The following ZDHHC2 variants were observed in gnomAD, a reference collection of about 807,000 sequenced individuals.
ZDHHC2 encodes the protein zDHHC palmitoyltransferase 2.
Under a neutral mutation model 55.6 loss-of-function variants are expected in ZDHHC2, and 51 were observed. The ratio of observed to expected loss-of-function variants is 0.92; its 90% confidence interval spans 0.73 to 1.16. The LOEUF (loss-of-function observed/expected upper bound fraction) is 1.16, where lower values mean the gene tolerates loss of function less well. Among genes scored for constraint, ZDHHC2 ranks in the 50% most tolerant of loss-of-function variants. The pLI is 0.00. For missense variants in ZDHHC2, 491 were observed against 442.4 expected, an observed-to-expected ratio of 1.11 and a Z score of -0.99; for synonymous variants, 199 against 152.9, an observed-to-expected ratio of 1.30 and a Z score of -2.22.
intron 1 of ZDHHC2, among the ~76,000 whole-genome samples, chr8:17,178,990 G>A (rs539047653): frequency 4.0e-4 from 61 of 152,116 alleles, no homozygotes; most frequent in Non-Finnish European, 6.8e-4. Context: ...ACGCTCTGTT[G>A]CCCAGGCTTG....
intron 10 of ZDHHC2, among the ~76,000 whole-genome samples, 165 bp from the exon 11 acceptor site, chr8:17,215,072 C>T (rs886091159): frequency 1.8e-4 from 28 of 152,254 alleles, no homozygotes; most frequent in African/African-American, 6.3e-4. Flanking sequence ...CACCGCGAGT[C>T]AGTGCTATTT....
intron 1 of ZDHHC2, among the ~76,000 whole-genome samples, chr8:17,173,180 C>T (rs949663143): frequency 3.3e-5 from 5 of 152,200 alleles, no homozygotes; most frequent in Non-Finnish European, 2.9e-5. Context: ...GGCTGCGAGG[C>T]ATCCGATGTC....
At chr8:17,168,204 C>A (rs770249100) in intron 1 of ZDHHC2, among the ~76,000 whole-genome samples, 1 of 152,144 alleles carries the variant, frequency 6.6e-6, no homozygotes. Flanking sequence ...AATTTTGGCT[C>A]GGCATTCTTT....
At chr8:17,214,961 C>T (rs1417689706) in intron 10 of ZDHHC2, among the ~76,000 whole-genome samples, 1 of 152,028 alleles carries the variant, frequency 6.6e-6, no homozygotes, top group Non-Finnish European at 1.5e-5. Flanking sequence ...CTGCTAAAGC[C>T]TGGGGCTGAA....
At chr8:17,199,512 TTC>T (rs1472142493) in intron 6 of ZDHHC2, among the ~76,000 whole-genome samples, 3 of 39,648 alleles carry the variant, frequency 7.6e-5, no homozygotes, top group Admixed American at 3.3e-4. Context: ...CTTCTTCTTC[TTC>T]GTCTTCGTCT....
chr8:17,171,427 G>C (rs184254387), intron 1 of ZDHHC2, among the ~76,000 whole-genome samples: 14 of 152,210 alleles, frequency 9.2e-5, no homozygotes, highest in African/African-American at 1.9e-4. Context: ...AGTGCAGTCA[G>C]TGATTCAGAA....
chr8:17,199,598 CTTTATTCT>C lies in ZDHHC2; in HGVS notation c.476+1188_476+1195del, dbSNP rs1563161629. 5.9e-4 allele frequency among the ~76,000 whole-genome samples: 23 copies of C among 39,218 alleles called. 1 individual carries two copies. Among genetic ancestry groups the C allele is most frequent in the South Asian group, 4.9e-3 (5 of 1,020 alleles). 25.7% of individuals were successfully genotyped at this position (39,218 alleles called of 152,430 possible). A position where few individuals can be genotyped will look rare whatever the true frequency, so the allele number is the denominator to read the frequency against. On this transcript the variant is annotated intron_variant, in intron 6 of 12. Transcript: ENST00000262096. ...TGTCTTCTTCTTCTTCTTTCTTCTT[CTTTATTCT>C]TTCTTCTTCTTCTTCTTCCTTTCTT...
intron 1 of ZDHHC2, among the ~76,000 whole-genome samples, chr8:17,167,329 A>G (rs1804651630): frequency 7.9e-6 from 1 of 127,100 alleles, no homozygotes; most frequent in African/African-American, 3.1e-5. Flanking sequence ...TTTTTTTGAG[A>G]CAGTCTCGCT....
At chr8:17,176,458 T>C (rs543312422) in intron 1 of ZDHHC2, among the ~76,000 whole-genome samples, 1 of 152,076 alleles carries the variant, frequency 6.6e-6, no homozygotes, top group Non-Finnish European at 1.5e-5. Context: ...AAAGTCAAGA[T>C]TTTTTCACCG....
At chr8:17,210,340 C>T in intron 9 of ZDHHC2, 48 bp from the exon 10 acceptor site, 1 of 1,568,682 alleles carries the variant, frequency 6.4e-7, no homozygotes, top group South Asian at 1.2e-5. Flanking sequence ...GGGTTTCACT[C>T]CGTTGTCTTT....
At position 17,224,597 on chromosome 8, in the gene ZDHHC2, A is replaced by G. The variant is rs1808048820; in HGVS notation, c.*4376A>G. ...ATTGATAAAGGTGCTTAATCAATTG[A>G]AAAAAAAACGCATAATGCTTCAAGG... On this transcript the variant is annotated 3_prime_UTR_variant, in exon 13 of 13. Transcript: ENST00000262096. 6.8e-6 allele frequency: 1 copy of G among 147,840 alleles called. No individual in the cohort carries two copies. The highest frequency in any genetic ancestry group is 2.6e-5 in the African/African-American group (1 of 39,058). 9.2% of individuals were successfully genotyped at this position (147,840 alleles called of 1,614,324 possible).
chr8:17,177,400 G>T (rs1051888363), intron 1 of ZDHHC2, among the ~76,000 whole-genome samples: 4 of 152,222 alleles, frequency 2.6e-5, no homozygotes, highest in African/African-American at 9.6e-5. Context: ...GACAGACTTT[G>T]TTGGGACAGG....
chr8:17,196,821 G>A (rs926298448), intron 4 of ZDHHC2, among the ~76,000 whole-genome samples: 2 of 151,830 alleles, frequency 1.3e-5, no homozygotes, highest in African/African-American at 4.8e-5. Flanking sequence ...TGAGGTGGGA[G>A]AATTGCTTGA....
intron 3 of ZDHHC2, 63 bp from the exon 4 acceptor site, chr8:17,195,441 G>C (rs933155769): frequency 6.1e-5 from 93 of 1,529,214 alleles, no homozygotes; most frequent in Non-Finnish European, 8.0e-5. Context: ...GGGTATGGTA[G>C]AGAAGACCAA....
At chr8:17,162,353 G>T (rs77265095) in intron 1 of ZDHHC2, among the ~76,000 whole-genome samples, 2,617 of 152,222 alleles carry the variant, frequency 0.017, 40 homozygotes, top group Non-Finnish European at 0.027. Flanking sequence ...CAGGATCTGG[G>T]GTCAAACCTC....
intron 6 of ZDHHC2, among the ~76,000 whole-genome samples, chr8:17,201,668 T>TG (rs1464442250): frequency 2.0e-5 from 3 of 147,850 alleles, no homozygotes; most frequent in Admixed American, 2.0e-4. Flanking sequence ...GTTTTTGGTT[T>TG]TTTTTTTTTT....
intron 11 of ZDHHC2, 120 bp downstream of exon 11, chr8:17,215,469 T>A: frequency 7.7e-6 from 6 of 782,482 alleles, no homozygotes. Flanking sequence ...CAGACTTCTA[T>A]TCTAAATTCA....
At chr8:17,189,394 A>G (rs2150912599) in intron 3 of ZDHHC2, among the ~76,000 whole-genome samples, 1 of 152,210 alleles carries the variant, frequency 6.6e-6, no homozygotes, top group African/African-American at 2.4e-5. Flanking sequence ...ATACTTTTGA[A>G]AATACACCAT....
At chr8:17,201,995 G>T (rs898419119) in intron 6 of ZDHHC2, among the ~76,000 whole-genome samples, 1 of 152,040 alleles carries the variant, frequency 6.6e-6, no homozygotes, top group South Asian at 2.1e-4. Context: ...AACAGATTCC[G>T]TAGTATTTGC....
Sources: allele counts gnomAD v4.1 joint callset (sites outside exome capture counted in the v4.1 genomes callset), GRCh38; gene constraint gnomAD v4.1.1; transcripts MANE v1.5; gene names NCBI Gene and HGNC (gene_info 2026-07-23, HGNC 2026-07-21).